NLGN1: variants seen among roughly 807,000 people sequenced by gnomAD.
The protein encoded by NLGN1 is neuroligin-1.
A neutral mutation model predicts 65.5 loss-of-function variants in NLGN1; 12 were observed. That is an observed-to-expected ratio of 0.18 (90% CI 0.12 to 0.30). The LOEUF is 0.30. Ranked by LOEUF, NLGN1 falls within the 10% of genes least tolerant of loss-of-function variation. The pLI is 1.00. For missense variants in NLGN1, 750 were observed against 1,007.1 expected, an observed-to-expected ratio of 0.74 and a Z score of 3.46; for synonymous variants, 350 against 359.5, an observed-to-expected ratio of 0.97 and a Z score of 0.30.
chr3:174,163,913 T>C (rs2152724421), intron 4 of NLGN1, among the ~76,000 whole-genome samples: 1 of 152,156 alleles, frequency 6.6e-6, no homozygotes, highest in Middle Eastern at 3.4e-3. Context: ...ATGTGTCTTT[T>C]TGGTAGAATG....
intron 4 of NLGN1, among the ~76,000 whole-genome samples, chr3:173,931,990 C>CTGTTT (rs888816639): frequency 1.3e-5 from 2 of 151,948 alleles, no homozygotes; most frequent in East Asian, 3.9e-4. Context: ...AGGTGTTTTT[C>CTGTTT]TGTTTTGTTT....
At chr3:173,800,424 T>A in intron 3 of NLGN1, 1 of 473,442 alleles carries the variant, frequency 2.1e-6, no homozygotes, top group Non-Finnish European at 3.4e-6. Context: ...TCTATTTTTT[T>A]ACTTCTTGTC....
At chr3:173,893,704 C>T (rs988699775) in intron 4 of NLGN1, among the ~76,000 whole-genome samples, 2 of 152,122 alleles carry the variant, frequency 1.3e-5, no homozygotes, top group African/African-American at 4.8e-5. Context: ...GGGCTCCTAA[C>T]CTGTTTTTAT....
intron 4 of NLGN1, among the ~76,000 whole-genome samples, chr3:174,028,376 A>G (rs1729267897): frequency 6.6e-6 from 1 of 152,184 alleles, no homozygotes; most frequent in South Asian, 2.1e-4. Context: ...CCAGGCTGAA[A>G]TGGTCTCAGA....
intron 2 of NLGN1, 29 bp from the exon 2 acceptor site, chr3:173,604,250 A>G (rs564617172): frequency 5.5e-4 from 135 of 244,196 alleles, no homozygotes; most frequent in African/African-American, 2.9e-3. Context: ...AGCTTGTTCC[A>G]GCTCATGATT....
chr3:173,415,886 A>G (rs1379881717), intron 1 of NLGN1, among the ~76,000 whole-genome samples: 2 of 121,890 alleles, frequency 1.6e-5, no homozygotes, highest in East Asian at 2.2e-4. Context: ...CATTGCAAGG[A>G]GTAAATATAT....
intron 3 of NLGN1, among the ~76,000 whole-genome samples, chr3:173,671,418 G>T (rs551066487): frequency 1.3e-5 from 2 of 151,956 alleles, no homozygotes; most frequent in Admixed American, 6.6e-5. Context: ...GGAAGTTGAG[G>T]CAACAGTGAA....
chr3:173,869,090 T>C (rs544718204), intron 4 of NLGN1, among the ~76,000 whole-genome samples: 2 of 152,296 alleles, frequency 1.3e-5, no homozygotes, highest in South Asian at 2.1e-4. Flanking sequence ...TTAAGGAGCA[T>C]AGTAATAGAT....
chr3:173,713,032 T>G (rs1769244662), intron 3 of NLGN1, among the ~76,000 whole-genome samples: 1 of 152,116 alleles, frequency 6.6e-6, no homozygotes, highest in South Asian at 2.1e-4. Context: ...AGAGATTATA[T>G]TCATCAAGCA....
chr3:173,854,624 A>G (rs77042900), intron 4 of NLGN1, among the ~76,000 whole-genome samples: 6,830 of 152,182 alleles, frequency 0.045, 256 homozygotes, highest in African/African-American at 0.1. Context: ...CCAAAGAGAA[A>G]AGTTGCATGG....
chr3:173,564,686 A>G (rs1169145200), intron 2 of NLGN1, among the ~76,000 whole-genome samples: 1 of 152,248 alleles, frequency 6.6e-6, no homozygotes, highest in Non-Finnish European at 1.5e-5. Flanking sequence ...GTGAGAACCA[A>G]GAACCCCACT....
chr3:173,625,833 A>G (rs1345314413), intron 3 of NLGN1, among the ~76,000 whole-genome samples: 1 of 152,120 alleles, frequency 6.6e-6, no homozygotes, highest in Non-Finnish European at 1.5e-5. Context: ...TTTTATTTAA[A>G]ACCATATTTC....
chr3:174,097,805 A>G (rs1224786567), intron 4 of NLGN1, among the ~76,000 whole-genome samples: 1 of 152,194 alleles, frequency 6.6e-6, no homozygotes, highest in Non-Finnish European at 1.5e-5. Context: ...GGTGTGGTAC[A>G]GTCTCTAATT....
At chr3:174,288,591 C>A (rs912382194), downstream of NLGN1, among the ~76,000 whole-genome samples, 24 of 151,270 alleles carry the variant, frequency 1.6e-4, no homozygotes, top group African/African-American at 5.1e-4. Context: ...TTATTTTCTC[C>A]TGAAAGCAAA....
intron 4 of NLGN1, among the ~76,000 whole-genome samples, chr3:174,005,327 C>G (rs764555975): frequency 2.2e-4 from 34 of 152,092 alleles, no homozygotes; most frequent in Non-Finnish European, 4.1e-4. Flanking sequence ...TTAAGTGTTA[C>G]TAATTGGAAA....
At chr3:174,030,700 G>A (rs1290773706) in intron 4 of NLGN1, among the ~76,000 whole-genome samples, 1 of 152,142 alleles carries the variant, frequency 6.6e-6, no homozygotes, top group Non-Finnish European at 1.5e-5. Context: ...TGGCAGGATG[G>A]TAGAGGTAAA....
At chr3:173,758,382 G>A (rs1262645765) in intron 3 of NLGN1, among the ~76,000 whole-genome samples, 1 of 152,010 alleles carries the variant, frequency 6.6e-6, no homozygotes, top group Non-Finnish European at 1.5e-5. Flanking sequence ...AATCTCTAAT[G>A]TTATGTATTT....
At chr3:174,212,565 G>A (rs1736888108) in intron 4 of NLGN1, among the ~76,000 whole-genome samples, 1 of 152,224 alleles carries the variant, frequency 6.6e-6, no homozygotes, top group Non-Finnish European at 1.5e-5. Flanking sequence ...GTTTGTGTAA[G>A]TGTATCCCAT....
At chr3:173,920,443 G>A (rs1030612723) in intron 4 of NLGN1, 9 of 152,172 alleles carry the variant, frequency 5.9e-5, no homozygotes, top group African/African-American at 2.2e-4. Flanking sequence ...AGAAGACACA[G>A]TCTGGCACAA....
Sources: gnomAD v4.1 joint callset for allele counts (sites outside exome capture counted in the v4.1 genomes callset) on GRCh38, gnomAD v4.1.1 for gene constraint, MANE v1.5 for transcripts, NCBI Gene and HGNC (gene_info 2026-07-23, HGNC 2026-07-21) for gene names.